DPYSL2: variants seen among roughly 807,000 people sequenced by gnomAD.
The protein encoded by DPYSL2 is dihydropyrimidinase like 2.
Under a neutral mutation model 69.9 loss-of-function variants are expected in DPYSL2, and 13 were observed. That is an observed-to-expected ratio of 0.19 (90% CI 0.12 to 0.30). The LOEUF is 0.30. Ranked by LOEUF, DPYSL2 falls within the 10% of genes least tolerant of loss-of-function variation. The pLI is 1.00. For missense variants in DPYSL2, 587 were observed against 918.9 expected (o/e 0.64, Z 4.67); for synonymous variants, 326 against 359.1 (o/e 0.91, Z 1.04).
chr8:26,545,418 A>G (rs1800750337), intron 1 of DPYSL2, among the ~76,000 whole-genome samples: 3 of 152,206 alleles, frequency 2.0e-5, no homozygotes, highest in South Asian at 4.1e-4. Context: ...CCATTGGCTC[A>G]AAGAAGGTAT....
At chr8:26,549,959 T>C (rs1585502750) in intron 1 of DPYSL2, among the ~76,000 whole-genome samples, 1 of 152,074 alleles carries the variant, frequency 6.6e-6, no homozygotes, top group South Asian at 2.1e-4. Flanking sequence ...GAGAGTTGGA[T>C]CTACTTAAAG....
intron 1 of DPYSL2, among the ~76,000 whole-genome samples, chr8:26,556,126 T>TAC (rs1491379170): frequency 7.5e-5 from 1 of 13,336 alleles, no homozygotes; most frequent in Non-Finnish European, 1.1e-4. Flanking sequence ...ACTATATATA[T>TAC]TATATATACT....
In DPYSL2 at chr8:26,605,032, A is replaced by G. The variant is rs1026303137; in HGVS notation, c.629-19111A>G. On this transcript the variant is annotated intron_variant, in intron 3 of 13. Coordinates refer to ENST00000521913, the MANE Select transcript of DPYSL2 (RefSeq NM_001197293.3). This position sits in a 1 kb window ranked among gnomAD's most constrained non-coding sequence, Gnocchi z 4.1. Reference sequence around the variant, plus strand: ...TCTGCTTTAGTAGAGAGTATCTTTTATGTTTCTCAAAGGCGTTATGTTCTG... The same window carrying G: ...TCTGCTTTAGTAGAGAGTATCTTTTGTGTTTCTCAAAGGCGTTATGTTCTG... 2.0e-5 allele frequency among the ~76,000 whole-genome samples: 3 copies of G among 152,092 alleles called. No individual in the cohort carries two copies. The highest frequency in any genetic ancestry group is 7.2e-5 in the African/African-American group (3 of 41,402).
Position 26,605,291 on chromosome 8 carries a change from A to G in DPYSL2, c.629-18852A>G, listed in dbSNP as rs558228249. Reference sequence around the variant, plus strand: ...AAAATAAGAAGTAATAATAATGGGGAGAAAATATAAGATTATTACTATTTT... The same window carrying G: ...AAAATAAGAAGTAATAATAATGGGGGGAAAATATAAGATTATTACTATTTT... On this transcript the variant is annotated intron_variant, in intron 3 of 13. Transcript: ENST00000521913. The surrounding 1 kb of genome is among the most constrained non-coding windows in gnomAD (Gnocchi z 4.1). 2.6e-5 allele frequency among the ~76,000 whole-genome samples: 4 copies of G among 152,176 alleles called. No homozygotes were observed. The South Asian group carries it at 8.3e-4, about 32-fold the overall frequency.
intron 1 of DPYSL2, among the ~76,000 whole-genome samples, chr8:26,547,480 C>CA (rs1326055676): frequency 6.6e-6 from 1 of 152,018 alleles, no homozygotes; most frequent in Admixed American, 6.6e-5. Flanking sequence ...AATTGAAAGA[C>CA]AAAAAACAAT....
At chr8:26,567,671 G>A (rs17404826) in intron 1 of DPYSL2, among the ~76,000 whole-genome samples, 15,557 of 152,282 alleles carry the variant, frequency 0.1, 875 homozygotes, top group Non-Finnish European at 0.12. Context: ...TTGCACAGAG[G>A]AGTGATGGTG....
In DPYSL2 at chr8:26,644,965, G is replaced by A. The variant is rs1403389364; in HGVS notation, c.1425+874G>A. 6.6e-6 allele frequency among the ~76,000 whole-genome samples: 1 copy of A among 152,114 alleles called. No individual in the cohort carries two copies. The highest frequency in any genetic ancestry group is 1.5e-5 in the Non-Finnish European group (1 of 68,032). On this transcript the variant is annotated intron_variant, in intron 10 of 13. Transcript: ENST00000521913. This position sits in a 1 kb window ranked among gnomAD's most constrained non-coding sequence, Gnocchi z 4.5. Reference sequence around the variant, plus strand: ...TATGAAGAATATATCCTTATTTCCAGAAGAATAAGGAAGTAAATAAAAGTC... The same window carrying A: ...TATGAAGAATATATCCTTATTTCCAAAAGAATAAGGAAGTAAATAAAAGTC...
chr8:26,634,735 G>C (rs772877572), intron 7 of DPYSL2, 45 bp from the exon 8 acceptor site: 4 of 1,612,636 alleles, frequency 2.5e-6, no homozygotes, highest in Admixed American at 1.7e-5. Flanking sequence ...AGCGGCTCGT[G>C]GGGTGGGCTG....
Position 26,580,846 on chromosome 8 carries a change from T to C in DPYSL2, c.355-1123T>C, listed in dbSNP as rs1801478432. 6.6e-6 allele frequency among the ~76,000 whole-genome samples: 1 copy of C among 152,220 alleles called. No individual in the cohort carries two copies. The highest frequency in any genetic ancestry group is 1.5e-5 in the Non-Finnish European group (1 of 68,044). The stretch of plus-strand genomic sequence containing the variant: ...GCCCATTCTGTATAATACAGGTGCA[T>C]ATTTACTGAACACTCGATGCCAGCA... On this transcript the variant is annotated intron_variant, in intron 1 of 13. Coordinates refer to ENST00000521913, the MANE Select transcript of DPYSL2 (RefSeq NM_001197293.3). This position sits in a 1 kb window ranked among gnomAD's most constrained non-coding sequence, Gnocchi z 4.1.
chr8:26,521,705 G>T (rs916352291), intron 1 of DPYSL2, among the ~76,000 whole-genome samples: 6 of 151,862 alleles, frequency 4.0e-5, no homozygotes, highest in Non-Finnish European at 5.9e-5. Flanking sequence ...TCACTAATCT[G>T]CATTCTGCTT....
At chr8:26,577,702 C>A in intron 1 of DPYSL2, 1 of 693,328 alleles carries the variant, frequency 1.4e-6, no homozygotes, top group Non-Finnish European at 1.8e-6. Flanking sequence ...CGCCCCGGCC[C>A]GAAGAAAGCG....
Position 26,653,112 on chromosome 8 carries a change from G to A in DPYSL2, c.1777-120G>A, listed in dbSNP as rs1803311364. 1 of 1,255,652 alleles carries A rather than the reference G, an allele frequency of 8.0e-7. No homozygotes were observed. Among genetic ancestry groups the A allele is most frequent in the Non-Finnish European group, 1.1e-6 (1 of 899,872 alleles). 77.8% of individuals were successfully genotyped at this position (1,255,652 alleles called of 1,614,324 possible). A position where few individuals can be genotyped will look rare whatever the true frequency, so the allele number is the denominator to read the frequency against. ...GGCCCCACACAACACCTGTCCACCT[G>A]TCTGTAAGGAGAGCCCTCCATCCCT... On this transcript the variant is annotated intron_variant, in intron 12 of 13. Coordinates refer to ENST00000521913, the MANE Select transcript of DPYSL2 (RefSeq NM_001197293.3). This position sits in a 1 kb window ranked among gnomAD's most constrained non-coding sequence, Gnocchi z 5.7.
intron 1 of DPYSL2, among the ~76,000 whole-genome samples, chr8:26,553,274 A>G (rs1227692422): frequency 6.6e-6 from 1 of 152,178 alleles, no homozygotes. Context: ...TTTGTTATAT[A>G]GGTAAACTTA....
chr8:26,629,585 G>C (rs1372215322), intron 7 of DPYSL2, among the ~76,000 whole-genome samples: 1 of 152,176 alleles, frequency 6.6e-6, no homozygotes, highest in African/African-American at 2.4e-5. Flanking sequence ...AGGGTGGCCT[G>C]GCACAGGCCC....
chr8:26,514,501 G>A lies in DPYSL2; in HGVS notation c.176G>A (p.Arg59Gln). 2.0e-6 allele frequency: 3 copies of A among 1,529,126 alleles called. No homozygotes were observed. The highest frequency in any genetic ancestry group is 1.4e-5 in the African/African-American group (1 of 72,428). 94.7% of individuals were successfully genotyped at this position (1,529,126 alleles called of 1,614,324 possible). A position where few individuals can be genotyped will look rare whatever the true frequency, so the allele number is the denominator to read the frequency against. ...TIDFDSLSVG[R>Q]GSGQVVAQQR... The stretch of plus-strand genomic sequence containing the variant: ...GACTTCGACTCGCTGTCGGTGGGCC[G>A]GGGCTCGGGGCAGGTGGTGGCTCAG... Residue 59 changes from arginine (R) to glutamine (Q), a missense_variant, in exon 1 of 14, where the codon CGG becomes CAG. Arg to Gln is a conservative substitution (Grantham distance 43). Coordinates refer to ENST00000521913, the MANE Select transcript of DPYSL2 (RefSeq NM_001197293.3). This position sits in a 1 kb window ranked among gnomAD's most constrained non-coding sequence, Gnocchi z 8.4.
At position 26,653,473 on chromosome 8, in the gene DPYSL2, G is replaced by T; in HGVS notation, c.1942+76G>T. 6.9e-7 allele frequency: 1 copy of T among 1,450,128 alleles called. No homozygotes were observed. 89.8% of individuals were successfully genotyped at this position (1,450,128 alleles called of 1,614,324 possible). ...TGCTGGCGAGGCTACAGTTGCATTT[G>T]GAAAGGACACAGAAATAGAAGTGAA... On this transcript the variant is annotated intron_variant, in intron 13 of 13. Transcript: ENST00000521913. The surrounding 1 kb of genome is among the most constrained non-coding windows in gnomAD (Gnocchi z 5.7).
intron 1 of DPYSL2, among the ~76,000 whole-genome samples, chr8:26,529,333 C>CTATCTATCATCTATCTATATATA (rs1563375931): frequency 2.6e-5 from 4 of 151,412 alleles, no homozygotes; most frequent in African/African-American, 9.7e-5. Context: ...ATCTATCTAT[C>CTATCTATCATCTATCTATATATA]TATATATATA....
rs192679619 is a variant in DPYSL2 at position 26,631,811 on chromosome 8, G to A, written c.1006-2969G>A. Reference sequence around the variant, plus strand: ...TGAAAGGCTTGGATAGTGGCAGAGCGTGATTAGAACTCAAGCCCACAGGCA... The same window carrying A: ...TGAAAGGCTTGGATAGTGGCAGAGCATGATTAGAACTCAAGCCCACAGGCA... On this transcript the variant is annotated intron_variant, in intron 7 of 13. Transcript: ENST00000521913. Among the ~76,000 whole-genome samples, 10 of 152,242 alleles carry A rather than the reference G, an allele frequency of 6.6e-5. No homozygotes were observed. In the East Asian group the frequency reaches 1.9e-3, roughly 30 times the overall value.
In DPYSL2 at chr8:26,583,210, C is replaced by G. The variant is rs1034420011; in HGVS notation, c.444-589C>G. 3.9e-5 allele frequency among the ~76,000 whole-genome samples: 6 copies of G among 152,294 alleles called. No individual in the cohort carries two copies. The East Asian group carries it at 7.7e-4, about 20-fold the overall frequency. On this transcript the variant is annotated intron_variant, in intron 2 of 13. Transcript: ENST00000521913. ...GTTGGAAATGAATCATGTCTCCCAA[C>G]ATAATGAATATTCATTTTTCTGCCT...
Sources: allele counts gnomAD v4.1 joint callset (sites outside exome capture counted in the v4.1 genomes callset), GRCh38; gene constraint gnomAD v4.1.1; non-coding constraint Gnocchi (gnomAD v3.1); transcripts MANE v1.5; gene names NCBI Gene and HGNC (gene_info 2026-07-23, HGNC 2026-07-21).